The following PTGER3 variants were observed in gnomAD, a reference collection of about 807,000 sequenced individuals.
The protein encoded by PTGER3 is prostaglandin E receptor 3.
PTGER3 carries 22 observed loss-of-function variants against 34.7 expected under a neutral mutation model. That is an observed-to-expected ratio of 0.63 (90% confidence interval 0.45 to 0.91). The LOEUF (loss-of-function observed/expected upper bound fraction) is 0.91. Ranked by LOEUF, PTGER3 falls within the 40% of genes least tolerant of loss-of-function variation. The pLI is 0.00. For synonymous variants in PTGER3, 241 were observed against 230.1 expected, an observed-to-expected ratio of 1.05 and a Z score of -0.43; for missense variants, 468 against 519.4, an observed-to-expected ratio of 0.90 and a Z score of 0.96.
At chr1:70,983,769 A>T (rs952081993) in intron 2 of PTGER3, among the ~76,000 whole-genome samples, 2 of 152,158 alleles carry the variant, frequency 1.3e-5, no homozygotes, top group Non-Finnish European at 2.9e-5. Flanking sequence ...GGTATCAAAA[A>T]TACAGTAATC....
chr1:70,882,747 G>A (rs913455726), intron 4 of PTGER3, among the ~76,000 whole-genome samples: 4 of 152,186 alleles, frequency 2.6e-5, no homozygotes, highest in Admixed American at 2.6e-4. Flanking sequence ...TCTTCTAGGG[G>A]GCTCTCACTC....
At chr1:70,930,723 A>T (rs1325660730) in intron 4 of PTGER3, among the ~76,000 whole-genome samples, 1 of 152,172 alleles carries the variant, frequency 6.6e-6, no homozygotes, top group Non-Finnish European at 1.5e-5. Flanking sequence ...CTACCATGAG[A>T]ACAGCATGAG....
At chr1:70,944,956 G>C (rs1650088788) in intron 4 of PTGER3, among the ~76,000 whole-genome samples, 1 of 152,036 alleles carries the variant, frequency 6.6e-6, no homozygotes, top group African/African-American at 2.4e-5. Context: ...ATTCTAAAGA[G>C]AACTTCTCAT....
At chr1:70,940,850 T>C (rs147395332) in intron 4 of PTGER3, among the ~76,000 whole-genome samples, 16 of 152,310 alleles carry the variant, frequency 1.1e-4, no homozygotes, top group African/African-American at 3.6e-4. Flanking sequence ...TTAACAGTCA[T>C]GTTATAGGAT....
At chr1:71,005,017 C>A (rs2100828637) in intron 2 of PTGER3, among the ~76,000 whole-genome samples, 1 of 152,294 alleles carries the variant, frequency 6.6e-6, no homozygotes, top group African/African-American at 2.4e-5. Context: ...AGGAGTGGTT[C>A]CAACTGAGGG....
At chr1:71,013,702 C>CA (rs111381892) in intron 1 of PTGER3, among the ~76,000 whole-genome samples, 2,114 of 105,498 alleles carry the variant, frequency 0.02, 17 homozygotes, top group Non-Finnish European at 0.02. Flanking sequence ...AACTCTGTCT[C>CA]AAAAAAAAAA....
At chr1:70,876,347 T>G (rs545755032) in intron 4 of PTGER3, among the ~76,000 whole-genome samples, 1 of 151,632 alleles carries the variant, frequency 6.6e-6, no homozygotes, top group Non-Finnish European at 1.5e-5. Context: ...AGACCTTTGT[T>G]AGATGTGTAG....
intron 1 of PTGER3, among the ~76,000 whole-genome samples, chr1:71,039,873 A>G (rs1308109966): frequency 2.0e-5 from 3 of 152,094 alleles, no homozygotes; most frequent in Non-Finnish European, 4.4e-5. Context: ...AAAACATCAC[A>G]GTGGTATTCC....
In PTGER3 at chr1:71,046,661, C is replaced by A. The variant is rs1331637945; in HGVS notation, c.897+20G>T. 3.3e-6 allele frequency: 5 copies of A among 1,525,082 alleles called. No homozygotes were observed. In the East Asian group the frequency reaches 6.8e-5, roughly 21 times the overall value. 94.5% of individuals were successfully genotyped at this position (1,525,082 alleles called of 1,614,324 possible). ...ACTCGCACACGCATCCTGACTTCCC[C>A]CAACCCTGGAACTACCTACCAGGAG... is the stretch of plus-strand genomic sequence containing the variant. On this transcript the variant is annotated intron_variant, in intron 1 of 3. Coordinates refer to ENST00000306666, the MANE Select transcript of PTGER3 (RefSeq NM_198719.2).
chr1:70,890,329 G>A (rs1348703874), intron 4 of PTGER3, among the ~76,000 whole-genome samples: 4 of 152,054 alleles, frequency 2.6e-5, no homozygotes, highest in Non-Finnish European at 5.9e-5. Flanking sequence ...AAACACTGAG[G>A]CTTATAGAAT....
intron 4 of PTGER3, among the ~76,000 whole-genome samples, chr1:70,931,999 A>G (rs572657542): frequency 6.6e-6 from 1 of 152,226 alleles, no homozygotes; most frequent in South Asian, 2.1e-4. Context: ...CCCTTTTAAA[A>G]CAGAATGCTT....
Position 71,040,886 on chromosome 1 carries a change from A to C in PTGER3, c.897+5795T>G, listed in dbSNP as rs1045956443. 3.3e-5 allele frequency among the ~76,000 whole-genome samples: 5 copies of C among 152,286 alleles called. No homozygotes were observed. The East Asian group carries it at 9.7e-4, about 29-fold the overall frequency. Reference sequence around the variant, plus strand: ...GCTAGAAAATGGCTTCTAACTTGAGATCTTAGCCAATCCAAGAGAGGTGGG... The same window carrying C: ...GCTAGAAAATGGCTTCTAACTTGAGCTCTTAGCCAATCCAAGAGAGGTGGG... On this transcript the variant is annotated intron_variant, in intron 1 of 3. Transcript: ENST00000306666.
intron 4 of PTGER3, among the ~76,000 whole-genome samples, chr1:70,900,254 C>T (rs1646807183): frequency 6.6e-6 from 1 of 152,048 alleles, no homozygotes; most frequent in Admixed American, 6.6e-5. Flanking sequence ...CTGCAAAGCC[C>T]CCAGCTCCTA....
At chr1:70,989,748 G>C (rs1283995812) in intron 2 of PTGER3, among the ~76,000 whole-genome samples, 4 of 152,116 alleles carry the variant, frequency 2.6e-5, no homozygotes, top group Non-Finnish European at 5.9e-5. Context: ...CCAGAATCAA[G>C]CATCCAGACA....
chr1:71,007,766 G>A (rs1657097778), intron 2 of PTGER3: 2 of 985,108 alleles, frequency 2.0e-6, no homozygotes, highest in Non-Finnish European at 1.2e-6. Flanking sequence ...TTTAATGATT[G>A]GCTGTTTTTG....
chr1:70,855,417 A>C (rs1426511239), intron 4 of PTGER3, among the ~76,000 whole-genome samples: 1 of 152,214 alleles, frequency 6.6e-6, no homozygotes, highest in Non-Finnish European at 1.5e-5. Context: ...GACTATTGTT[A>C]ACACTATTGA....
intron 1 of PTGER3, 88 bp downstream of exon 1, chr1:71,046,593 C>A: frequency 2.8e-6 from 4 of 1,446,962 alleles, no homozygotes; most frequent in Non-Finnish European, 3.6e-6. Flanking sequence ...GCAAACACAC[C>A]CCTGCGGGTG....
chr1:70,857,322 G>C (rs1281409576), intron 4 of PTGER3, among the ~76,000 whole-genome samples: 1 of 152,084 alleles, frequency 6.6e-6, no homozygotes, highest in African/African-American at 2.4e-5. Context: ...GGGTTTGACA[G>C]TTCTTTTCTT....
chr1:70,957,094 G>A (rs1324800912), intron 2 of PTGER3, among the ~76,000 whole-genome samples: 1 of 152,174 alleles, frequency 6.6e-6, no homozygotes, highest in Admixed American at 6.5e-5. Flanking sequence ...AAATAAGAAA[G>A]TCTGAGTCAA....
Sources: gnomAD v4.1 joint callset for allele counts (sites outside exome capture counted in the v4.1 genomes callset) on GRCh38, gnomAD v4.1.1 for gene constraint, MANE v1.5 for transcripts, NCBI Gene and HGNC (gene_info 2026-07-23, HGNC 2026-07-21) for gene names.